AOC3: variants seen among roughly 807,000 people sequenced by gnomAD.
AOC3 encodes the protein amine oxidase [copper-containing] 3.
A neutral mutation model predicts 55.4 loss-of-function variants in AOC3; 47 were observed. That is an observed-to-expected ratio of 0.85 (90% CI 0.67 to 1.08). The LOEUF is 1.08. Among genes scored for constraint, AOC3 ranks in the 50% least tolerant of loss-of-function variants. AOC3 has a pLI of 0.00. For missense variants in AOC3, 853 were observed against 993.1 expected, an observed-to-expected ratio of 0.86 and a Z score of 1.90; for synonymous variants, 386 against 410.7, an observed-to-expected ratio of 0.94 and a Z score of 0.73.
intron 1 of AOC3, among the ~76,000 whole-genome samples, chr17:42,853,794 G>A (rs777327585): frequency 1.1e-4 from 17 of 151,994 alleles, no homozygotes; most frequent in Non-Finnish European, 1.9e-4. Context: ...TCTCACTTTC[G>A]TCATCACCTG....
Position 42,852,538 on chromosome 17 carries a change from A to AC in AOC3, c.1198dup (p.Arg400ProfsTer28), listed in dbSNP as rs1347656830. The AC allele has an allele frequency of 6.2e-7, 1 of 1,614,128 alleles. No individual in the cohort carries two copies. Among genetic ancestry groups the AC allele is most frequent in the Middle Eastern group, 1.6e-4 (1 of 6,062 alleles). On this transcript the variant is annotated frameshift_variant, in exon 1 of 4. Coordinates refer to ENST00000308423, the MANE Select transcript of AOC3 (RefSeq NM_003734.4). LOFTEE classifies it high-confidence loss of function. ...CATGGGCAAGTACACCACGCCCCTG[A>AC]CCCGTGGGGTGGACTGCCCCTACTT...
chr17:42,857,314 T>G lies in AOC3; in HGVS notation c.*764T>G, dbSNP rs1313816560. The G allele has an allele frequency of 6.6e-6, 1 of 152,480 alleles. No individual in the cohort carries two copies. Among genetic ancestry groups the G allele is most frequent in the East Asian group, 1.9e-4 (1 of 5,334 alleles). 9.4% of individuals were successfully genotyped at this position (152,480 alleles called of 1,614,324 possible). On this transcript the variant is annotated 3_prime_UTR_variant, in exon 4 of 4. Transcript: ENST00000308423. ...GTGTGTTTCAGGACAGCTGCTTCTG[T>G]GCATTTGTGTCTGCCTGCCTCATGC...
chr17:42,854,477 A>G lies in AOC3; in HGVS notation c.1630A>G (p.Met544Val). The part of the protein sequence containing the change: ...GLENWVWAED[M>V]VFVPMAVPWS... ...GGAGAACTGGGTCTGGGCCGAGGAT[A>G]TGGTCTTTGTCCCCATGGCTGTGCC... The change falls in exon 2 of 4, where the codon ATG becomes GTG. Residue 544 changes from methionine (M) to valine (V), a missense_variant. Transcript: ENST00000308423. The G allele has an allele frequency of 1.3e-6, 2 of 1,572,186 alleles. No homozygotes were observed. Among genetic ancestry groups the G allele is most frequent in the South Asian group, 1.1e-5 (1 of 86,992 alleles).
At position 42,851,276 on chromosome 17, in the gene AOC3, C is replaced by T. The variant is rs563013107; in HGVS notation, c.-68C>T. The T allele has an allele frequency of 3.8e-5, 57 of 1,511,136 alleles. No individual in the cohort carries two copies. In the African/African-American group the frequency reaches 7.0e-4, roughly 18 times the overall value. The allele number at this position is 1,511,136 out of a possible 1,614,324, so 93.6% of individuals were successfully genotyped here. A position where few individuals can be genotyped will look rare whatever the true frequency, so the allele number is the denominator to read the frequency against. On this transcript the variant is annotated 5_prime_UTR_variant, in exon 1 of 4. Transcript: ENST00000308423. ...ACCCCGTCCAGGAGCCAACAGAGCC[C>T]CCGTCTTGCTGGCGTGAGAATACAT...
intron 1 of AOC3, chr17:42,854,166 T>G (rs936558919): frequency 7.1e-6 from 2 of 281,740 alleles, no homozygotes; most frequent in Admixed American, 5.3e-5. Context: ...GTAAGGATGA[T>G]CATTCATCTC....
At chr17:42,855,047 A>T (rs929083624) in intron 2 of AOC3, among the ~76,000 whole-genome samples, 2 of 152,022 alleles carry the variant, frequency 1.3e-5, no homozygotes, top group African/African-American at 4.8e-5. Context: ...GGGTTTCACC[A>T]TGTTGGCCAG....
chr17:42,853,318 G>A (rs942101668), intron 1 of AOC3: 2 of 1,033,312 alleles, frequency 1.9e-6, no homozygotes, highest in Non-Finnish European at 2.3e-6. Flanking sequence ...TGGTGGTGGT[G>A]TTTTGGAGGA....
chr17:42,855,348 G>A lies in AOC3; in HGVS notation c.1887-96G>A, dbSNP rs2055734588. On this transcript the variant is annotated intron_variant, in intron 2 of 3. Coordinates refer to ENST00000308423, the MANE Select transcript of AOC3 (RefSeq NM_003734.4). ...CCGAGTCAGTTGTGTGACTGCAATT[G>A]GGGAAGCTGAGCTCTGAGCACTCAG... 2.0e-6 allele frequency: 3 copies of A among 1,496,270 alleles called. No individual in the cohort carries two copies. In the Admixed American group the frequency reaches 6.1e-5, roughly 31 times the overall value. The allele number at this position is 1,496,270 out of a possible 1,614,324, so 92.7% of individuals were successfully genotyped here.
Position 42,855,521 on chromosome 17 carries a change from C to T in AOC3, c.1964C>T (p.Ala655Val). The change falls in exon 3 of 4, where the codon GCC becomes GTC. Residue 655 changes from alanine (A) to valine (V), a missense_variant. Ala to Val is a moderately conservative substitution (Grantham distance 64). Transcript: ENST00000308423. ...SSVFNQNDPW[A>V]PTVDFSDFIN... ...GTTTTCAATCAGAATGACCCTTGGGCCCCCACTGTGGATTTCAGTGACTTC... is the reference window on the plus strand; with the variant it reads ...GTTTTCAATCAGAATGACCCTTGGGTCCCCACTGTGGATTTCAGTGACTTC... 3 of 1,613,964 alleles carry T rather than the reference C, an allele frequency of 1.9e-6. No individual in the cohort carries two copies. The highest frequency in any genetic ancestry group is 2.5e-6 in the Non-Finnish European group (3 of 1,179,984).
intron 1 of AOC3, 98 bp downstream of exon 1, chr17:42,853,041 C>T (rs1279691454): frequency 2.8e-5 from 41 of 1,439,490 alleles, no homozygotes; most frequent in Middle Eastern, 1.8e-4. Flanking sequence ...GAAAGGAAGA[C>T]GTGGATTTTT....
rs747500131 is a variant in AOC3, at chr17:42,854,450, C to G, written c.1603C>G (p.Leu535Val). Reference protein sequence around the residue: ...HFKVDLDVAGLENWVWAEDMV... With the variant: ...HFKVDLDVAGVENWVWAEDMV... ...CTCCCCTATCCCACCCTGAGCAGGA[C>G]TGGAGAACTGGGTCTGGGCCGAGGA... The change falls in exon 2 of 4, where the codon CTG becomes GTG. Residue 535 changes from leucine to valine, a missense_variant and splice_region_variant. By Grantham distance (32) the Leu-to-Val change is conservative. Transcript: ENST00000308423. 5 of 1,524,136 alleles carry G rather than the reference C, an allele frequency of 3.3e-6. No individual in the cohort carries two copies. The Admixed American group carries it at 7.9e-5, about 24-fold the overall frequency. The allele number at this position is 1,524,136 out of a possible 1,614,324, so 94.4% of individuals were successfully genotyped here.
chr17:42,852,037 A>G lies in AOC3; in HGVS notation c.694A>G (p.Asn232Asp). 2 of 1,613,564 alleles carry G rather than the reference A, an allele frequency of 1.2e-6. No individual in the cohort carries two copies. Among genetic ancestry groups the G allele is most frequent in the Non-Finnish European group, 1.7e-6 (2 of 1,179,764 alleles). ...GGCCACCTGGTTTGGCCTCTACTAC[A>G]ACATCTCGGGCGCTGGGTTCTTCCT... is the stretch of plus-strand genomic sequence containing the variant. ...DRATWFGLYY[N>D]ISGAGFFLHH... Residue 232 changes from asparagine (N) to aspartate (D), a missense_variant, in exon 1 of 4, where the codon AAC (asparagine) becomes GAC (aspartate). Transcript: ENST00000308423.
At chr17:42,854,243 A>G (rs2055714575) in intron 1 of AOC3, 2 of 411,988 alleles carry the variant, frequency 4.9e-6, no homozygotes, top group Admixed American at 4.4e-5. Context: ...GTGAAATGGA[A>G]TGAACTCCCT....
In AOC3 at chr17:42,851,299, C is replaced by T. The variant is rs1274056905; in HGVS notation, c.-45C>T. The T allele has an allele frequency of 1.3e-6, 2 of 1,547,214 alleles. No homozygotes were observed. Among genetic ancestry groups the T allele is most frequent in the Non-Finnish European group, 8.7e-7 (1 of 1,143,192 alleles). On this transcript the variant is annotated 5_prime_UTR_variant, in exon 1 of 4. Coordinates refer to ENST00000308423, the MANE Select transcript of AOC3 (RefSeq NM_003734.4). Reference sequence around the variant, plus strand: ...CCCCCGTCTTGCTGGCGTGAGAATACATTGCTCTCCTTTGGTTGAATCAGC... The same window carrying T: ...CCCCCGTCTTGCTGGCGTGAGAATATATTGCTCTCCTTTGGTTGAATCAGC...
chr17:42,854,594 AC>A lies in AOC3; in HGVS notation c.1751del (p.Pro584LeufsTer51). 1 of 1,607,120 alleles carries A rather than the reference AC, an allele frequency of 6.2e-7. No individual in the cohort carries two copies. On this transcript the variant is annotated frameshift_variant, in exon 2 of 4. Transcript: ENST00000308423. LOFTEE classifies it high-confidence loss of function. ...GGCCGCCTTCCTCGTGGGAAGCGCC[AC>A]CCCTCGCTACCTGTACCTGGCCAGC... is the stretch of plus-strand genomic sequence containing the variant. ...EQAAFLVGSA[T>X]PRYLYLASNH...
In AOC3 at chr17:42,856,276, A is replaced by G. The variant is rs1345085465; in HGVS notation, c.2018A>G (p.Asp673Gly). Reference protein sequence around the residue: ...FINNETIAGKDLVAWVTAGFL... With the variant: ...FINNETIAGKGLVAWVTAGFL... ...ATCCTCTTTCTTCTCCCCTGCTAGG[A>G]TTTGGTGGCCTGGGTGACAGCTGGT... Residue 673 changes from aspartate to glycine, a missense_variant and splice_region_variant, in exon 4 of 4, where the codon GAT (aspartate) becomes GGT (glycine). Transcript: ENST00000308423. 1 of 1,613,610 alleles carries G rather than the reference A, an allele frequency of 6.2e-7. No homozygotes were observed. The highest frequency in any genetic ancestry group is 1.3e-5 in the African/African-American group (1 of 74,996).
Position 42,852,891 on chromosome 17 carries a change from G to A in AOC3, c.1548G>A (p.Leu516=). 1 of 1,612,180 alleles carries A rather than the reference G, an allele frequency of 6.2e-7. No individual in the cohort carries two copies. Among genetic ancestry groups the A allele is most frequent in the East Asian group, 2.2e-5 (1 of 44,810 alleles). ...KYGNQVSEHT[L]GTVHTHSAHF... ...GGAACCAAGTGTCAGAGCACACCCTGGGCACGGTCCACACCCACAGCGCCC... is the reference window on the plus strand; with the variant it reads ...GGAACCAAGTGTCAGAGCACACCCTAGGCACGGTCCACACCCACAGCGCCC... The change falls in exon 1 of 4, where the codon CTG becomes CTA. Residue 516 remains leucine (L), a synonymous_variant. Coordinates refer to ENST00000308423, the MANE Select transcript of AOC3 (RefSeq NM_003734.4).
At position 42,854,582 on chromosome 17, in the gene AOC3, G is replaced by A. The variant is rs151291423; in HGVS notation, c.1735G>A (p.Val579Met). 48 of 1,609,896 alleles carry A rather than the reference G, an allele frequency of 3.0e-5. 1 individual carries two copies. Among genetic ancestry groups the A allele is most frequent in the East Asian group, 1.8e-4 (8 of 44,578 alleles). ...GATGGAGGAGCAGGCCGCCTTCCTC[G>A]TGGGAAGCGCCACCCCTCGCTACCT... Reference protein sequence around the residue: ...LEMEEQAAFLVGSATPRYLYL... With the variant: ...LEMEEQAAFLMGSATPRYLYL... Residue 579 changes from valine to methionine, a missense_variant, in exon 2 of 4, where the codon GTG (valine) becomes ATG (methionine). By Grantham distance (21) the Val-to-Met change is conservative. Coordinates refer to ENST00000308423, the MANE Select transcript of AOC3 (RefSeq NM_003734.4).
Position 42,852,894 on chromosome 17 carries a change from C to T in AOC3, c.1551C>T (p.Gly517=), listed in dbSNP as rs2144296088. 1 of 1,611,912 alleles carries T rather than the reference C, an allele frequency of 6.2e-7. No individual in the cohort carries two copies. The highest frequency in any genetic ancestry group is 8.5e-7 in the Non-Finnish European group (1 of 1,178,206). Residue 517 remains glycine (G), a synonymous_variant, in exon 1 of 4, where the codon GGC becomes GGT. Coordinates refer to ENST00000308423, the MANE Select transcript of AOC3 (RefSeq NM_003734.4). Reference sequence around the variant, plus strand: ...ACCAAGTGTCAGAGCACACCCTGGGCACGGTCCACACCCACAGCGCCCACT... The same window carrying T: ...ACCAAGTGTCAGAGCACACCCTGGGTACGGTCCACACCCACAGCGCCCACT... ...YGNQVSEHTL[G]TVHTHSAHFK...
Sources: allele counts gnomAD v4.1 joint callset (sites outside exome capture counted in the v4.1 genomes callset), GRCh38; gene constraint gnomAD v4.1.1; transcripts MANE v1.5; gene names NCBI Gene and HGNC (gene_info 2026-07-23, HGNC 2026-07-21).